Variants in INCENP observed in about 807,000 individuals in gnomAD.
INCENP encodes binds and activates aurora-B and -C in vivo and in vitro.
INCENP carries 43 observed loss-of-function variants against 107.3 expected under a neutral mutation model. That is an observed-to-expected ratio of 0.40 (90% CI 0.31 to 0.52). The LOEUF is 0.52. Among genes scored for constraint, INCENP ranks in the 20% least tolerant of loss-of-function variants. INCENP has a pLI of 0.53. For missense variants in INCENP, 1,089 were observed against 1,250.9 expected (o/e 0.87, Z 1.95); for synonymous variants, 488 against 494.4 (o/e 0.99, Z 0.17).
intron 4 of INCENP, among the ~76,000 whole-genome samples, chr11:62,135,902 CG>C (rs1943983232): frequency 6.6e-6 from 1 of 152,028 alleles, no homozygotes; most frequent in Non-Finnish European, 1.5e-5. Flanking sequence ...CTCCGCCTCC[CG>C]GGTTCACGCC....
intron 1 of INCENP, among the ~76,000 whole-genome samples, chr11:62,126,492 G>A (rs111829394): frequency 0.012 from 1,852 of 152,222 alleles, 35 homozygotes; most frequent in African/African-American, 0.039. Flanking sequence ...CACCGTGCCC[G>A]GCCAGTTCTT....
rs1279747123 is a variant in INCENP at position 62,146,698 on chromosome 11, AGAAG to A, written c.2005_2008del (p.Glu669ArgfsTer121). 1 of 1,550,620 alleles carries A rather than the reference AGAAG, an allele frequency of 6.4e-7. No individual in the cohort carries two copies. Among genetic ancestry groups the A allele is most frequent in the Admixed American group, 2.0e-5 (1 of 50,948 alleles). On this transcript the variant is annotated frameshift_variant, in exon 15 of 19. Coordinates refer to ENST00000394818, the MANE Select transcript of INCENP (RefSeq NM_001040694.2). LOFTEE classifies it high-confidence loss of function. The stretch of plus-strand genomic sequence containing the variant: ...CGGCACCAAGAGCTGCTGCAGAAGA[AGAAG>A]GAAGAGGAGCAGGAGCGGCTGCGGA...
chr11:62,130,266 G>C lies in INCENP; in HGVS notation c.739G>C (p.Gly247Arg). The C allele has an allele frequency of 6.2e-7, 1 of 1,613,170 alleles. No homozygotes were observed. The highest frequency in any genetic ancestry group is 8.5e-7 in the Non-Finnish European group (1 of 1,180,030). The change falls in exon 4 of 19, where the codon GGG (glycine) becomes CGG (arginine). Residue 247 changes from glycine (G) to arginine (R), a missense_variant. Coordinates refer to ENST00000394818, the MANE Select transcript of INCENP (RefSeq NM_001040694.2). ...TACACCCCAGGACCCCAAGGGTCAA[G>C]GGGTCGGGACGGGGCGGTCTGCGTC... ...MATPQDPKGQ[G>R]VGTGRSASKL...
chr11:62,142,535 CA>C (rs1944147129), intron 11 of INCENP, among the ~76,000 whole-genome samples: 1 of 152,214 alleles, frequency 6.6e-6, no homozygotes, highest in African/African-American at 2.4e-5. Flanking sequence ...GTTAGGAGAC[CA>C]GGGGGCTACG....
At chr11:62,146,952 A>G in intron 15 of INCENP, 50 bp downstream of exon 15, 1 of 1,589,838 alleles carries the variant, frequency 6.3e-7, no homozygotes, top group Non-Finnish European at 8.5e-7. Flanking sequence ...TGTGGAAGAG[A>G]GACGGTGTGA....
chr11:62,139,212 AT>A (rs1456473460), intron 7 of INCENP, among the ~76,000 whole-genome samples: 3 of 152,126 alleles, frequency 2.0e-5, no homozygotes, highest in Non-Finnish European at 2.9e-5. Context: ...TGAGTGCAGC[AT>A]GGGGGGCTGT....
Position 62,141,562 on chromosome 11 carries a change from C to G in INCENP, c.1605+51C>G, listed in dbSNP as rs1258299058. The G allele has an allele frequency of 2.5e-6, 4 of 1,609,358 alleles. No homozygotes were observed. The East Asian group carries it at 8.9e-5, about 36-fold the overall frequency. On this transcript the variant is annotated intron_variant, in intron 11 of 18. Coordinates refer to ENST00000394818, the MANE Select transcript of INCENP (RefSeq NM_001040694.2). Reference sequence around the variant, plus strand: ...AACCTCGCCCCACCTAGCACTCACCCGCTGTAGCCCCTTCCCTGCGTAGCT... The same window carrying G: ...AACCTCGCCCCACCTAGCACTCACCGGCTGTAGCCCCTTCCCTGCGTAGCT...
In INCENP at chr11:62,148,815, G is replaced by A; in HGVS notation, c.2360G>A (p.Ser787Asn). The change falls in exon 17 of 19, where the codon AGC (serine) becomes AAC (asparagine). Residue 787 changes from serine (S) to asparagine (N), a missense_variant. Physicochemically the swap from Ser to Asn is conservative, Grantham distance 46. Transcript: ENST00000394818. ...AAAGCCAAGGAGGCAGCAGGGGCCA[G>A]CAAGGCCCTGAATGTGACTGTGGAC... ...EKKAKEAAGA[S>N]KALNVTVDVQ... The A allele has an allele frequency of 6.2e-7, 1 of 1,607,388 alleles. No homozygotes were observed. The highest frequency in any genetic ancestry group is 8.5e-7 in the Non-Finnish European group (1 of 1,177,276).
chr11:62,148,515 G>A lies in INCENP; in HGVS notation c.2244G>A (p.Lys748=). ...QEREKALRLQ[K]EQLQRELEEK... is the part of the protein sequence containing the mutation. Reference sequence around the variant, plus strand: ...GGGAGAAGGCCCTGCGGCTGCAGAAGGAGCAGCTGCAGAGGGAACTGGAGG... The same window carrying A: ...GGGAGAAGGCCCTGCGGCTGCAGAAAGAGCAGCTGCAGAGGGAACTGGAGG... Residue 748 remains lysine, a synonymous_variant, in exon 16 of 19, where the codon AAG becomes AAA. Transcript: ENST00000394818. 1 of 1,608,630 alleles carries A rather than the reference G, an allele frequency of 6.2e-7. No individual in the cohort carries two copies. Among genetic ancestry groups the A allele is most frequent in the Non-Finnish European group, 8.5e-7 (1 of 1,178,322 alleles).
chr11:62,140,166 T>A, intron 7 of INCENP, 68 bp from the exon 8 acceptor site: 1 of 1,403,690 alleles, frequency 7.1e-7, no homozygotes, highest in Non-Finnish European at 1.0e-6. Flanking sequence ...CCCTTCCCCC[T>A]ACACCCCCAT....
Position 62,129,791 on chromosome 11 carries a change from CAGAA to C in INCENP, c.267_270del (p.Arg89SerfsTer7). ...CTGCTGCCCCTGCCAGGTTATCCCG[CAGAA>C]AGTCTCGGAGCAGCCAGCTGAGCTC... On this transcript the variant is annotated frameshift_variant, in exon 4 of 19. Coordinates refer to ENST00000394818, the MANE Select transcript of INCENP (RefSeq NM_001040694.2). The C allele has an allele frequency of 6.2e-7, 1 of 1,604,446 alleles. No homozygotes were observed. Among genetic ancestry groups the C allele is most frequent in the Non-Finnish European group, 8.5e-7 (1 of 1,177,440 alleles).
chr11:62,139,034 T>C, intron 7 of INCENP, 29 bp downstream of exon 7: 1 of 1,524,180 alleles, frequency 6.6e-7, no homozygotes, highest in Admixed American at 1.7e-5. Flanking sequence ...CCGTGTGCAG[T>C]GCCCGGAGCC....
In INCENP at chr11:62,142,408, G is replaced by A. The variant is rs890842825; in HGVS notation, c.1605+897G>A. ...TTCCAGTGGCCTTACCACCTGTGCCGATTAGAGCCCTGCAGGTCTCACAGG... is the reference window on the plus strand; with the variant it reads ...TTCCAGTGGCCTTACCACCTGTGCCAATTAGAGCCCTGCAGGTCTCACAGG... On this transcript the variant is annotated intron_variant, in intron 11 of 18. Transcript: ENST00000394818. Among the ~76,000 whole-genome samples, 4 of 152,326 alleles carry A rather than the reference G, an allele frequency of 2.6e-5. No homozygotes were observed. The Middle Eastern group carries it at 0.01, about 389-fold the overall frequency.
At chr11:62,136,077 G>A (rs1325924717) in intron 4 of INCENP, among the ~76,000 whole-genome samples, 11 of 152,214 alleles carry the variant, frequency 7.2e-5, no homozygotes, top group Admixed American at 1.3e-4. Context: ...GATTACAGGC[G>A]TGAGCCACCG....
Position 62,128,185 on chromosome 11 carries a change from C to T in INCENP, c.24C>T (p.Pro8=). The change falls in exon 2 of 19, where the codon CCC becomes CCT. Residue 8 remains proline (P), a synonymous_variant. Coordinates refer to ENST00000394818, the MANE Select transcript of INCENP (RefSeq NM_001040694.2). ...CCATGGGGACGACGGCCCCAGGGCC[C>T]ATTCACCTGCTGGAGCTATGTGACC... The part of the protein sequence containing the change: MGTTAPG[P]IHLLELCDQK... The T allele has an allele frequency of 6.2e-7, 1 of 1,614,206 alleles. No homozygotes were observed. Among genetic ancestry groups the T allele is most frequent in the Non-Finnish European group, 8.5e-7 (1 of 1,180,032 alleles).
At chr11:62,148,077 A>G (rs564208625) in intron 15 of INCENP, among the ~76,000 whole-genome samples, 25 of 152,318 alleles carry the variant, frequency 1.6e-4, no homozygotes, top group Non-Finnish European at 2.6e-4. Flanking sequence ...GAACTCATCC[A>G]CAGCCTCTTG....
intron 1 of INCENP, among the ~76,000 whole-genome samples, chr11:62,126,096 TG>T (rs1354010181): frequency 3.3e-5 from 5 of 152,218 alleles, no homozygotes; most frequent in Admixed American, 6.5e-5. Context: ...CCCATGAGAC[TG>T]AAACCTGACC....
At chr11:62,124,606 A>C (rs1590598673) in intron 1 of INCENP, among the ~76,000 whole-genome samples, 1 of 151,624 alleles carries the variant, frequency 6.6e-6, no homozygotes, top group African/African-American at 2.4e-5. Flanking sequence ...GCCCCTTGTC[A>C]CTCCCCAAGC....
intron 14 of INCENP, 26 bp from the exon 15 acceptor site, chr11:62,146,632 G>A (rs1205127897): frequency 5.8e-6 from 9 of 1,549,906 alleles, no homozygotes; most frequent in African/African-American, 1.4e-5. Context: ...CCTGGCCGCA[G>A]CACCTGACCT....
Sources: allele counts gnomAD v4.1 joint callset (sites outside exome capture counted in the v4.1 genomes callset), GRCh38; gene constraint gnomAD v4.1.1; transcripts MANE v1.5; gene names NCBI Gene and HGNC (gene_info 2026-07-23, HGNC 2026-07-21).